SPTBN4: variants seen among roughly 807,000 people sequenced by gnomAD.
The protein encoded by SPTBN4 is spectrin beta, non-erythrocytic 4, also known as spectrin beta chain, non-erythrocytic 4.
SPTBN4 carries 96 observed loss-of-function variants against 277.8 expected under a neutral mutation model. The ratio of observed to expected loss-of-function variants is 0.35; its 90% confidence interval spans 0.29 to 0.41. SPTBN4 has a LOEUF of 0.41. Among genes scored for constraint, SPTBN4 ranks in the 10% least tolerant of loss-of-function variants. The pLI, the probability that SPTBN4 is intolerant of heterozygous loss-of-function variation, is 1.00. For synonymous variants in SPTBN4, 1,481 were observed against 1,580.3 expected (o/e 0.94, Z 1.49); for missense variants, 3,006 against 3,595.7 (o/e 0.84, Z 4.19).
rs751176408 is a variant in SPTBN4, at chr19:40,567,897, C to T, written c.6571C>T (p.Arg2191Cys). 3.3e-6 allele frequency: 5 copies of T among 1,523,416 alleles called. No individual in the cohort carries two copies. The East Asian group carries it at 1.3e-4, about 41-fold the overall frequency. 94.4% of individuals were successfully genotyped at this position (1,523,416 alleles called of 1,614,324 possible). Residue 2191 changes from arginine (R) to cysteine (C), a missense_variant, in exon 31 of 36, where the codon CGC (arginine) becomes TGC (cysteine). Physicochemically the swap from Arg to Cys is radical, Grantham distance 180 (BLOSUM62 -3). Around this residue, in one of 5 missense-constraint regions of SPTBN4, gnomAD observed 630 missense variants for 677.6 expected, o/e 0.93. Coordinates refer to ENST00000598249, the MANE Select transcript of SPTBN4 (RefSeq NM_020971.3). Reference sequence around the variant, plus strand: ...GCTCAAGCCCGAGCGCCTCCAGCCGCGCATTGACCGGCTGCCGGAGATCCC... The same window carrying T: ...GCTCAAGCCCGAGCGCCTCCAGCCGTGCATTGACCGGCTGCCGGAGATCCC... ...QELKPERLQP[R>C]IDRLPEIPGR...
chr19:40,554,765 GC>G lies in SPTBN4; in HGVS notation c.5084+120del. On this transcript the variant is annotated intron_variant, in intron 24 of 35. Transcript: ENST00000598249. The surrounding 1 kb of genome is among the most constrained non-coding windows in gnomAD (Gnocchi z 5.7). Reference sequence around the variant, plus strand: ...GTGGGAGAGGTCCTCCTTGCTGTGTGCTGGAGCCCTCGAATTTGGCAAGTGG... The same window carrying G: ...GTGGGAGAGGTCCTCCTTGCTGTGTGTGGAGCCCTCGAATTTGGCAAGTGG... The G allele has an allele frequency of 6.8e-7, 1 of 1,476,592 alleles. No homozygotes were observed. Among genetic ancestry groups the G allele is most frequent in the Non-Finnish European group, 9.1e-7 (1 of 1,093,480 alleles). The allele number at this position is 1,476,592 out of a possible 1,614,324, so 91.5% of individuals were successfully genotyped here.
At chr19:40,571,949 G>T (rs919914846) in intron 33 of SPTBN4, 70 bp from the exon 34 acceptor site, 26 of 1,475,070 alleles carry the variant, frequency 1.8e-5, no homozygotes, top group Non-Finnish European at 2.3e-5. Flanking sequence ...TTCAGACCTT[G>T]AGGATGTTAA....
intron 2 of SPTBN4, among the ~76,000 whole-genome samples, chr19:40,486,019 G>A (rs1405118930): frequency 6.6e-6 from 1 of 151,412 alleles, no homozygotes; most frequent in Admixed American, 6.6e-5. Flanking sequence ...ACCAAGCGCA[G>A]TGGCTAACAC....
intron 25 of SPTBN4, among the ~76,000 whole-genome samples, chr19:40,556,661 C>T (rs1309931227): frequency 6.6e-6 from 1 of 152,146 alleles, no homozygotes; most frequent in Non-Finnish European, 1.5e-5. Flanking sequence ...TGTGGTGGCT[C>T]ATGCCTGTAA....
chr19:40,572,517 C>G (rs2081164644), intron 35 of SPTBN4, 137 bp downstream of exon 35: 1 of 1,144,022 alleles, frequency 8.7e-7, no homozygotes, highest in Non-Finnish European at 1.3e-6. Flanking sequence ...GGAAAGCCCA[C>G]AGGCACTGAG....
At chr19:40,557,516 G>A (rs558747033) in intron 26 of SPTBN4, 113 bp downstream of exon 26, 697 of 1,298,718 alleles carry the variant, frequency 5.4e-4, no homozygotes, top group Non-Finnish European at 6.7e-4. Context: ...GGCACAGACA[G>A]AAAGCGGACT....
chr19:40,536,201 C>T (rs1487512277), intron 20 of SPTBN4, among the ~76,000 whole-genome samples: 2 of 151,476 alleles, frequency 1.3e-5, no homozygotes, highest in Admixed American at 6.6e-5. Context: ...TTTCTTTTCC[C>T]CTCCCTTCCT....
At position 40,497,597 on chromosome 19, in the gene SPTBN4, T is replaced by C; in HGVS notation, c.777T>C (p.Asp259=). The C allele has an allele frequency of 6.2e-7, 1 of 1,613,614 alleles. No individual in the cohort carries two copies. The highest frequency in any genetic ancestry group is 8.5e-7 in the Non-Finnish European group (1 of 1,179,944). Residue 259 remains aspartate (D), a synonymous_variant, in exon 7 of 36, where the codon GAT becomes GAC. Transcript: ENST00000598249. ...EQHLGLARLL[D]PEDVNMEAPD... ...ACCTGGGGCTGGCGCGGCTGCTGGA[T>C]CCTGAAGGTGAGCCTCTCGCGGGCC...
At chr19:40,518,439 AT>A (rs1394364582) in intron 15 of SPTBN4, among the ~76,000 whole-genome samples, 2 of 151,686 alleles carry the variant, frequency 1.3e-5, no homozygotes, top group Admixed American at 6.6e-5. Context: ...ATTTTTATTT[AT>A]TTATTTTGAG....
Position 40,502,264 on chromosome 19 carries a change from A to G in SPTBN4, c.1034A>G (p.Gln345Arg), listed in dbSNP as rs1176171361. ...QKFANSLSGV[Q>R]QQLQAFTAYC... ...TTTGCCAACTCCTTAAGTGGGGTGC[A>G]GCAGCAACTCCAGGCTTTCACGGCC... The change falls in exon 9 of 36, where the codon CAG (glutamine) becomes CGG (arginine). Residue 345 changes from glutamine (Q) to arginine (R), a missense_variant. By Grantham distance (43) the Gln-to-Arg change is conservative. Transcript: ENST00000598249. The surrounding 1 kb of genome is among the most constrained non-coding windows in gnomAD (Gnocchi z 4.9). 1 of 1,613,792 alleles carries G rather than the reference A, an allele frequency of 6.2e-7. No homozygotes were observed. The highest frequency in any genetic ancestry group is 8.5e-7 in the Non-Finnish European group (1 of 1,180,014).
At chr19:40,547,202 C>G (rs1471900679) in intron 20 of SPTBN4, among the ~76,000 whole-genome samples, 1 of 128,600 alleles carries the variant, frequency 7.8e-6, no homozygotes, top group African/African-American at 2.9e-5. Context: ...ATGACAGGCC[C>G]CGGTGTGTGA....
intron 2 of SPTBN4, among the ~76,000 whole-genome samples, chr19:40,481,632 C>T (rs1027557395): frequency 5.3e-5 from 8 of 152,060 alleles, no homozygotes; most frequent in East Asian, 3.9e-4. Flanking sequence ...CACACCACCA[C>T]GCTCAGCTAA....
At position 40,546,693 on chromosome 19, in the gene SPTBN4, T is replaced by C. The variant is rs139204342; in HGVS notation, c.4360-2496T>C. Among the ~76,000 whole-genome samples, 11 of 152,228 alleles carry C rather than the reference T, an allele frequency of 7.2e-5. No homozygotes were observed. The East Asian group carries it at 1.9e-3, about 27-fold the overall frequency. ...CCATCTTTATGACAAATTTCAAAAATGAGCTGGGCATGGTGGTGTGTGCTT... is the reference window on the plus strand; with the variant it reads ...CCATCTTTATGACAAATTTCAAAAACGAGCTGGGCATGGTGGTGTGTGCTT... On this transcript the variant is annotated intron_variant, in intron 20 of 35. Transcript: ENST00000598249.
At chr19:40,568,331 G>A (rs1599822341) in intron 31 of SPTBN4, 49 bp downstream of exon 31, 1 of 1,533,884 alleles carries the variant, frequency 6.5e-7, no homozygotes, top group South Asian at 1.3e-5. Flanking sequence ...GGAAAGCGGA[G>A]AGCTCCTAGA....
chr19:40,482,942 C>T (rs1488712888), intron 2 of SPTBN4, among the ~76,000 whole-genome samples: 1 of 151,856 alleles, frequency 6.6e-6, no homozygotes. Flanking sequence ...GCCTGGGAGA[C>T]AGAGGGAGAC....
chr19:40,525,041 TC>T (rs2145884969), intron 17 of SPTBN4, among the ~76,000 whole-genome samples: 1 of 152,206 alleles, frequency 6.6e-6, no homozygotes, highest in African/African-American at 2.4e-5. Context: ...TCTCTGGCTC[TC>T]TCCGGCATGA....
In SPTBN4 at chr19:40,560,580, C is replaced by T; in HGVS notation, c.5915+177C>T. On this transcript the variant is annotated intron_variant, in intron 27 of 35. Transcript: ENST00000598249. The surrounding 1 kb of genome is among the most constrained non-coding windows in gnomAD (Gnocchi z 5.2). ...TGTGTATTCAGACCCCTTTTTTAGG[C>T]CTGTCATTGGGGACTTCGGTCATGG... 17 of 1,475,422 alleles carry T rather than the reference C, an allele frequency of 1.2e-5. No homozygotes were observed. The highest frequency in any genetic ancestry group is 1.5e-5 in the Non-Finnish European group (17 of 1,117,752). 91.4% of individuals were successfully genotyped at this position (1,475,422 alleles called of 1,614,324 possible).
chr19:40,530,487 C>T, intron 18 of SPTBN4: 1 of 979,032 alleles, frequency 1.0e-6, no homozygotes, highest in Non-Finnish European at 1.2e-6. Flanking sequence ...GCGCGGCCGC[C>T]GGAGCCTCAG....
Position 40,551,399 on chromosome 19 carries a change from T to A in SPTBN4, c.4674+1072T>A, listed in dbSNP as rs62107866. ...ATGAGACCCTATCTCTCTCTCTCTC[T>A]CACACACACACACACACACACGTCC... is the stretch of plus-strand genomic sequence containing the variant. On this transcript the variant is annotated intron_variant, in intron 22 of 35. Transcript: ENST00000598249. Among the ~76,000 whole-genome samples, 1,074 of 140,554 alleles carry A rather than the reference T, an allele frequency of 7.6e-3. 7 individuals carry two copies. Among genetic ancestry groups the A allele is most frequent in the South Asian group, 0.031 (137 of 4,428 alleles). The allele number at this position is 140,554 out of a possible 152,430, so 92.2% of individuals were successfully genotyped here.
Sources: allele counts gnomAD v4.1 joint callset (sites outside exome capture counted in the v4.1 genomes callset), GRCh38; gene constraint gnomAD v4.1.1; regional missense constraint gnomAD v4.1.1; non-coding constraint Gnocchi (gnomAD v3.1); transcripts MANE v1.5; gene names NCBI Gene and HGNC (gene_info 2026-07-23, HGNC 2026-07-21).